The following GTF3C1 variants were observed in gnomAD, a reference collection of about 807,000 sequenced individuals.
GTF3C1 encodes the protein general transcription factor IIIC subunit 1, also known as general transcription factor 3C polypeptide 1.
In GTF3C1, 57 loss-of-function variants were observed where a neutral mutation model predicts 226.7. That is an observed-to-expected ratio of 0.25 (90% confidence interval 0.20 to 0.31). The LOEUF is 0.31. Ranked by LOEUF, GTF3C1 falls within the 10% of genes least tolerant of loss-of-function variation. The pLI is 1.00. For missense variants in GTF3C1, 2,217 were observed against 2,776.1 expected, an observed-to-expected ratio of 0.80 and a Z score of 4.53; for synonymous variants, 1,090 against 1,084.8, an observed-to-expected ratio of 1.00 and a Z score of -0.09.
chr16:27,530,374 T>C (rs887896912), intron 5 of GTF3C1, among the ~76,000 whole-genome samples: 1 of 152,146 alleles, frequency 6.6e-6, no homozygotes, highest in Non-Finnish European at 1.5e-5. Context: ...CCTTGACATA[T>C]GGCACTAAGC....
At chr16:27,496,767 C>T (rs1480549633) in intron 14 of GTF3C1, among the ~76,000 whole-genome samples, 1 of 152,172 alleles carries the variant, frequency 6.6e-6, no homozygotes, top group African/African-American at 2.4e-5. Flanking sequence ...CTTGATTTTC[C>T]CCAGTGAGAG....
chr16:27,499,994 G>T (rs1159179908), intron 12 of GTF3C1, among the ~76,000 whole-genome samples: 1 of 152,160 alleles, frequency 6.6e-6, no homozygotes, highest in African/African-American at 2.4e-5. Flanking sequence ...AGAGGCCTGG[G>T]CACTTTCATT....
Position 27,484,217 on chromosome 16 carries a change from T to C in GTF3C1, c.3995A>G (p.Asn1332Ser), listed in dbSNP as rs767016452. The change falls in exon 25 of 37, where the codon AAC (asparagine) becomes AGC (serine). Residue 1332 changes from asparagine to serine, a missense_variant. Transcript: ENST00000356183. ...GGGCTTCAATGAGGCTTACTTATAG[T>C]TGAGATAGGCCTGTGGGTTTTTGAC... Reference protein sequence around the residue: ...YIVKNPQAYLNYKVCLAEVYQ... With the variant: ...YIVKNPQAYLSYKVCLAEVYQ... 9 of 1,604,424 alleles carry C rather than the reference T, an allele frequency of 5.6e-6. No individual in the cohort carries two copies. Among genetic ancestry groups the C allele is most frequent in the Admixed American group, 3.3e-5 (2 of 59,994 alleles).
At chr16:27,500,462 A>G (rs2088389123) in intron 12 of GTF3C1, among the ~76,000 whole-genome samples, 1 of 152,256 alleles carries the variant, frequency 6.6e-6, no homozygotes, top group Non-Finnish European at 1.5e-5. Context: ...CAGAAGAGCA[A>G]AAATGACCTT....
intron 6 of GTF3C1, among the ~76,000 whole-genome samples, chr16:27,521,252 C>T (rs777230105): frequency 2.0e-5 from 3 of 152,234 alleles, no homozygotes; most frequent in Admixed American, 6.5e-5. Context: ...CACTTGCCTT[C>T]GACTCTTCCT....
chr16:27,489,163 C>T lies in GTF3C1; in HGVS notation c.3309G>A (p.Val1103=). ...MLEYTTGSRE[V]VDEGLIPGDG... ...CTCCAGGGATCAAGCCTTCATCCACCACCTCACGGCTTCCACTAAAAGACA... is the reference window on the plus strand; with the variant it reads ...CTCCAGGGATCAAGCCTTCATCCACTACCTCACGGCTTCCACTAAAAGACA... Residue 1103 remains valine (V), a synonymous_variant, in exon 21 of 37, where the codon GTG becomes GTA. Coordinates refer to ENST00000356183, the MANE Select transcript of GTF3C1 (RefSeq NM_001520.4). The T allele has an allele frequency of 6.2e-7, 1 of 1,614,166 alleles. No individual in the cohort carries two copies.
intron 28 of GTF3C1, among the ~76,000 whole-genome samples, chr16:27,477,610 T>C (rs1192658969): frequency 6.6e-6 from 1 of 152,226 alleles, no homozygotes; most frequent in Non-Finnish European, 1.5e-5. Context: ...TGGCCCCTTA[T>C]TTTTGTTAAC....
At chr16:27,537,215 T>G (rs147033463) in intron 4 of GTF3C1, among the ~76,000 whole-genome samples, 1 of 152,368 alleles carries the variant, frequency 6.6e-6, no homozygotes, top group Non-Finnish European at 1.5e-5. Flanking sequence ...CTGACTTACT[T>G]GTATTTTTAC....
intron 21 of GTF3C1, 140 bp from the exon 22 acceptor site, chr16:27,488,775 C>T: frequency 1.4e-6 from 1 of 720,216 alleles, no homozygotes; most frequent in Middle Eastern, 4.0e-4. Context: ...TCTCCTGCCA[C>T]CCGCTTTACC....
chr16:27,480,467 G>A (rs1207127075), intron 27 of GTF3C1, among the ~76,000 whole-genome samples: 1 of 152,176 alleles, frequency 6.6e-6, no homozygotes, highest in Non-Finnish European at 1.5e-5. Flanking sequence ...GAAGGAATGA[G>A]GTCTTCAACT....
At chr16:27,494,511 TTAAAG>T (rs1193399995) in intron 16 of GTF3C1, among the ~76,000 whole-genome samples, 1 of 152,138 alleles carries the variant, frequency 6.6e-6, no homozygotes, top group Non-Finnish European at 1.5e-5. Context: ...GAGCGAGTCT[TTAAAG>T]TATTTACCCG....
At position 27,461,625 on chromosome 16, in the gene GTF3C1, T is replaced by A; in HGVS notation, c.6118-63A>T. 2.3e-6 allele frequency: 3 copies of A among 1,279,874 alleles called. No individual in the cohort carries two copies. The highest frequency in any genetic ancestry group is 3.4e-6 in the Non-Finnish European group (3 of 888,724). The allele number at this position is 1,279,874 out of a possible 1,614,324, so 79.3% of individuals were successfully genotyped here. A position where few individuals can be genotyped will look rare whatever the true frequency, so the allele number is the denominator to read the frequency against. ...CCTCGCCTGCTTGTTGATTTATTCT[T>A]CAAGCATTTATGGAATGCCCCCTCT... is the stretch of plus-strand genomic sequence containing the variant. On this transcript the variant is annotated intron_variant, in intron 36 of 36. Transcript: ENST00000356183. The surrounding 1 kb of genome is among the most constrained non-coding windows in gnomAD (Gnocchi z 5.3).
Position 27,470,090 on chromosome 16 carries a change from C to A in GTF3C1, c.4814+18G>T, listed in dbSNP as rs370102343. The A allele has an allele frequency of 2.1e-5, 34 of 1,603,440 alleles. No homozygotes were observed. The African/African-American group carries it at 4.0e-4, about 19-fold the overall frequency. On this transcript the variant is annotated intron_variant, in intron 31 of 36. Transcript: ENST00000356183. This position sits in a 1 kb window ranked among gnomAD's most constrained non-coding sequence, Gnocchi z 4.9. ...TAGCACGTGGCCAGACCTGATGCTG[C>A]GGATGCCGGACTCTTACCTTTTGAT...
chr16:27,535,494 G>A (rs1405599145), intron 4 of GTF3C1, among the ~76,000 whole-genome samples: 3 of 151,154 alleles, frequency 2.0e-5, no homozygotes, highest in Non-Finnish European at 4.4e-5. Flanking sequence ...AGAATTGCTT[G>A]AACCTAGGAG....
In GTF3C1 at chr16:27,549,911, C is replaced by T. The variant is rs2089257403; in HGVS notation, c.-21G>A. 2.5e-6 allele frequency: 4 copies of T among 1,596,462 alleles called. No individual in the cohort carries two copies. In the African/African-American group the frequency reaches 5.4e-5, roughly 21 times the overall value. Reference sequence around the variant, plus strand: ...TCCATTGCTACTTCAGTCGGCGGCGCCCGGGGCGCATGCGCAACGCACCGC... The same window carrying T: ...TCCATTGCTACTTCAGTCGGCGGCGTCCGGGGCGCATGCGCAACGCACCGC... On this transcript the variant is annotated 5_prime_UTR_variant, in exon 1 of 37. Transcript: ENST00000356183.
Position 27,492,838 on chromosome 16 carries a change from C to CTG in GTF3C1, c.2877-126_2877-125insCA. 1.5e-6 allele frequency: 1 copy of CTG among 683,544 alleles called. No individual in the cohort carries two copies. Among genetic ancestry groups the CTG allele is most frequent in the Non-Finnish European group, 2.6e-6 (1 of 379,012 alleles). The allele number at this position is 683,544 out of a possible 1,614,324, so 42.3% of individuals were successfully genotyped here. ...TTTCCACCTGGTGGTCACTGGAGGACCAGCCTCAAGCCCACACTGCACTAA... is the reference window on the plus strand; with the variant it reads ...TTTCCACCTGGTGGTCACTGGAGGACTGCAGCCTCAAGCCCACACTGCACTAA... On this transcript the variant is annotated intron_variant, in intron 17 of 36. Coordinates refer to ENST00000356183, the MANE Select transcript of GTF3C1 (RefSeq NM_001520.4). This position sits in a 1 kb window ranked among gnomAD's most constrained non-coding sequence, Gnocchi z 5.0.
chr16:27,505,789 G>C, intron 10 of GTF3C1, 110 bp downstream of exon 10: 1 of 710,224 alleles, frequency 1.4e-6, no homozygotes, highest in Non-Finnish European at 2.5e-6. Context: ...TCGGCACGCA[G>C]CACTCTCGCT....
At chr16:27,524,383 C>T (rs567332758) in intron 6 of GTF3C1, among the ~76,000 whole-genome samples, 7 of 152,176 alleles carry the variant, frequency 4.6e-5, no homozygotes, top group Non-Finnish European at 7.3e-5. Flanking sequence ...TAGATTGGGC[C>T]TGTGTGTTAT....
chr16:27,509,419 G>A (rs763422659), intron 7 of GTF3C1, among the ~76,000 whole-genome samples: 14 of 152,184 alleles, frequency 9.2e-5, no homozygotes, highest in African/African-American at 1.4e-4. Context: ...AAGCACATGA[G>A]CCGCAAGGCA....
Sources: gnomAD v4.1 joint callset for allele counts (sites outside exome capture counted in the v4.1 genomes callset) on GRCh38, gnomAD v4.1.1 for gene constraint, Gnocchi (gnomAD v3.1) non-coding constraint, MANE v1.5 for transcripts, NCBI Gene and HGNC (gene_info 2026-07-23, HGNC 2026-07-21) for gene names.